Variants in GNAI3 observed in about 807,000 individuals in gnomAD.
GNAI3 encodes the protein G protein subunit alpha i3.
In GNAI3, 12 loss-of-function variants were observed where a neutral mutation model predicts 41.8. The ratio of observed to expected loss-of-function variants is 0.29; its 90% confidence interval spans 0.18 to 0.47. The LOEUF is 0.47. GNAI3 is among the 20% of genes least tolerant of loss of function. The pLI is 1.00. For synonymous variants in GNAI3, 132 were observed against 146.5 expected (o/e 0.90, Z 0.71); for missense variants, 360 against 429.6 (o/e 0.84, Z 1.43).
chr1:109,571,070 T>C (rs1648585096), intron 1 of GNAI3, among the ~76,000 whole-genome samples: 1 of 152,234 alleles, frequency 6.6e-6, no homozygotes, highest in Non-Finnish European at 1.5e-5. Context: ...AGATTGGCAC[T>C]GGCATCCTTG....
chr1:109,577,150 G>A (rs77112248), intron 3 of GNAI3, among the ~76,000 whole-genome samples: 3,812 of 151,744 alleles, frequency 0.025, 190 homozygotes, highest in African/African-American at 0.087. Context: ...TATGTACAAG[G>A]ACATGCTCAC....
intron 1 of GNAI3, among the ~76,000 whole-genome samples, chr1:109,558,997 T>G (rs937947643): frequency 6.6e-6 from 1 of 151,822 alleles, no homozygotes; most frequent in Non-Finnish European, 1.5e-5. Context: ...GCCAGCATGG[T>G]GAAACTCCAT....
rs1649362139 is a variant in GNAI3, at chr1:109,598,198, G to A, written c.*5876G>A. 6.6e-6 allele frequency: 1 copy of A among 152,164 alleles called. No individual in the cohort carries two copies. Among genetic ancestry groups the A allele is most frequent in the Admixed American group, 6.6e-5 (1 of 15,266 alleles). 9.4% of individuals were successfully genotyped at this position (152,164 alleles called of 1,614,324 possible). A position where few individuals can be genotyped will look rare whatever the true frequency, so the allele number is the denominator to read the frequency against. On this transcript the variant is annotated 3_prime_UTR_variant, in exon 9 of 9. Coordinates refer to ENST00000369851, the MANE Select transcript of GNAI3 (RefSeq NM_006496.4). ...TTTTTACTAAGATGCTTATTTATAT[G>A]TAAGAGAGATTTCCAGTAGATACAA...
intron 1 of GNAI3, among the ~76,000 whole-genome samples, chr1:109,555,184 C>T (rs956118736): frequency 6.6e-6 from 1 of 152,036 alleles, no homozygotes; most frequent in South Asian, 2.1e-4. Context: ...AAAAACAATC[C>T]TAAAATTCAT....
Position 109,548,660 on chromosome 1 carries a change from C to A in GNAI3, c.-61C>A. ...AGCAATAGACGGTGCCTCAGCCTGC[C>A]GAGCCGCAGTTTCCGTGGTGTGAGT... is the stretch of plus-strand genomic sequence containing the variant. On this transcript the variant is annotated 5_prime_UTR_variant, in exon 1 of 9. Coordinates refer to ENST00000369851, the MANE Select transcript of GNAI3 (RefSeq NM_006496.4). 4 of 1,218,622 alleles carry A rather than the reference C, an allele frequency of 3.3e-6. No individual in the cohort carries two copies. The highest frequency in any genetic ancestry group is 2.5e-5 in the South Asian group (2 of 80,372). The allele number at this position is 1,218,622 out of a possible 1,614,324, so 75.5% of individuals were successfully genotyped here.
At chr1:109,571,020 T>C (rs911444803) in intron 1 of GNAI3, among the ~76,000 whole-genome samples, 23 of 152,344 alleles carry the variant, frequency 1.5e-4, no homozygotes, top group Middle Eastern at 3.4e-3. Context: ...TTTATATTGC[T>C]TTATTTAAAA....
chr1:109,588,861 C>G (rs2101111114), intron 7 of GNAI3, among the ~76,000 whole-genome samples: 1 of 152,216 alleles, frequency 6.6e-6, no homozygotes, highest in African/African-American at 2.4e-5. Context: ...CCACTGCACT[C>G]CAGCCTGGTG....
chr1:109,563,384 C>A (rs1648365082), intron 1 of GNAI3, among the ~76,000 whole-genome samples: 1 of 152,144 alleles, frequency 6.6e-6, no homozygotes, highest in African/African-American at 2.4e-5. Flanking sequence ...GACACTGTCT[C>A]AGAAGACAAA....
chr1:109,583,127 G>A (rs1648937080), intron 5 of GNAI3, among the ~76,000 whole-genome samples: 1 of 152,200 alleles, frequency 6.6e-6, no homozygotes, highest in African/African-American at 2.4e-5. Context: ...TTAATACAGT[G>A]CAGAATGGAA....
At chr1:109,556,271 T>C (rs555580383) in intron 1 of GNAI3, among the ~76,000 whole-genome samples, 4 of 152,200 alleles carry the variant, frequency 2.6e-5, no homozygotes, top group African/African-American at 7.2e-5. Context: ...CTTGAACTTC[T>C]GGGTTCAATG....
intron 1 of GNAI3, among the ~76,000 whole-genome samples, chr1:109,564,041 GT>G (rs5776986): frequency 1.6e-3 from 219 of 134,636 alleles, no homozygotes; most frequent in Non-Finnish European, 2.3e-3. Context: ...GTTTTTGTGT[GT>G]TTTTTTTTTT....
rs1226336732 is a variant in GNAI3 at position 109,598,300 on chromosome 1, C to G, written c.*5978C>G. 6.6e-6 allele frequency: 1 copy of G among 152,198 alleles called. No individual in the cohort carries two copies. The highest frequency in any genetic ancestry group is 2.4e-5 in the African/African-American group (1 of 41,442). 9.4% of individuals were successfully genotyped at this position (152,198 alleles called of 1,614,324 possible). A position where few individuals can be genotyped will look rare whatever the true frequency, so the allele number is the denominator to read the frequency against. The stretch of plus-strand genomic sequence containing the variant: ...GGTCCTGAGACCTCTCAGAATCTTA[C>G]GAGGTTGGAGAGTTGTTTGGAATGC... On this transcript the variant is annotated 3_prime_UTR_variant, in exon 9 of 9. Transcript: ENST00000369851.
chr1:109,580,285 A>G (rs1648858616), intron 4 of GNAI3, among the ~76,000 whole-genome samples: 2 of 152,102 alleles, frequency 1.3e-5, no homozygotes, highest in African/African-American at 2.4e-5. Flanking sequence ...GGCGTGAGCC[A>G]CCGTGCCTGG....
In GNAI3 at chr1:109,577,287, T is replaced by G. The variant is rs555144734; in HGVS notation, c.304-1917T>G. ...CTAAGGTGTTTTTTTTGTTTTTTTT[T>G]TTTTTTTGAGATGGAGTTTTGCTCT... On this transcript the variant is annotated intron_variant, in intron 3 of 8. Coordinates refer to ENST00000369851, the MANE Select transcript of GNAI3 (RefSeq NM_006496.4). Among the ~76,000 whole-genome samples the G allele has an allele frequency of 2.7e-5, 4 of 150,868 alleles. No individual in the cohort carries two copies. In the East Asian group the frequency reaches 5.8e-4, roughly 22 times the overall value.
Position 109,582,454 on chromosome 1 carries a change from A to T in GNAI3, c.479A>T (p.Asp160Val), listed in dbSNP as rs773969643. Residue 160 changes from aspartate (D) to valine (V), a missense_variant, in exon 5 of 9, where the codon GAT becomes GTT. Asp to Val is a radical substitution (Grantham distance 152). Transcript: ENST00000369851. ...DSASYYLNDL[D>V]RISQSNYIPT... is the part of the protein sequence containing the mutation. ...TTATTTAGTTATCTAAATGATCTGG[A>T]TAGAATATCCCAGTCTAACTACATT... 3 of 1,606,860 alleles carry T rather than the reference A, an allele frequency of 1.9e-6. No homozygotes were observed. The highest frequency in any genetic ancestry group is 1.7e-6 in the Non-Finnish European group (2 of 1,173,434).
Position 109,573,992 on chromosome 1 carries a change from A to C in GNAI3, c.258A>C (p.Arg86Ser), listed in dbSNP as rs1370816061. 6.2e-7 allele frequency: 1 copy of C among 1,612,100 alleles called. No homozygotes were observed. The highest frequency in any genetic ancestry group is 1.1e-5 in the South Asian group (1 of 90,944). The change falls in exon 3 of 9, where the codon AGA becomes AGC. Residue 86 changes from arginine (R) to serine (S), a missense_variant. Physicochemically the swap from Arg to Ser is moderately radical, Grantham distance 110. Coordinates refer to ENST00000369851, the MANE Select transcript of GNAI3 (RefSeq NM_006496.4). Reference protein sequence around the residue: ...NTIQSIIAIIRAMGRLKIDFG... With the variant: ...NTIQSIIAIISAMGRLKIDFG... ...TACAGTCCATCATTGCAATCATAAG[A>C]GCCATGGGACGGCTAAAGATTGACT...
Position 109,598,999 on chromosome 1 carries a change from T to C in GNAI3, c.*6677T>C, listed in dbSNP as rs370908257. On this transcript the variant is annotated 3_prime_UTR_variant, in exon 9 of 9. Transcript: ENST00000369851. Reference sequence around the variant, plus strand: ...CTTTGGTCTACGGCACATCTCCAAGTATAGAGTGGGTTTTGAATGCTGTTA... The same window carrying C: ...CTTTGGTCTACGGCACATCTCCAAGCATAGAGTGGGTTTTGAATGCTGTTA... 13 of 533,904 alleles carry C rather than the reference T, an allele frequency of 2.4e-5. No individual in the cohort carries two copies. Among genetic ancestry groups the C allele is most frequent in the Non-Finnish European group, 4.6e-5 (12 of 259,472 alleles). 33.1% of individuals were successfully genotyped at this position (533,904 alleles called of 1,614,324 possible).
At chr1:109,562,131 C>T (rs1483724772) in intron 1 of GNAI3, among the ~76,000 whole-genome samples, 1 of 151,910 alleles carries the variant, frequency 6.6e-6, no homozygotes. Context: ...TATACATACA[C>T]AAGATATGTA....
chr1:109,599,231 T>A lies in GNAI3; in HGVS notation c.*6909T>A. ...AATTATAGTATATTTTTTCTATTTT[T>A]AAAATTGTGATAAAGCATATATAAC... On this transcript the variant is annotated 3_prime_UTR_variant, in exon 9 of 9. Coordinates refer to ENST00000369851, the MANE Select transcript of GNAI3 (RefSeq NM_006496.4). 1 of 199,166 alleles carries A rather than the reference T, an allele frequency of 5.0e-6. No individual in the cohort carries two copies. The highest frequency in any genetic ancestry group is 1.1e-5 in the Non-Finnish European group (1 of 93,470). 12.3% of individuals were successfully genotyped at this position (199,166 alleles called of 1,614,324 possible).
Sources: gnomAD v4.1 joint callset for allele counts (sites outside exome capture counted in the v4.1 genomes callset) on GRCh38, gnomAD v4.1.1 for gene constraint, MANE v1.5 for transcripts, NCBI Gene and HGNC (gene_info 2026-07-23, HGNC 2026-07-21) for gene names.